LRRC36: variants seen among roughly 807,000 people sequenced by gnomAD.
LRRC36 encodes leucine rich repeat containing 36.
A neutral mutation model predicts 81.1 loss-of-function variants in LRRC36; 62 were observed. The ratio of observed to expected loss-of-function variants is 0.76; its 90% CI spans 0.62 to 0.94. The LOEUF is 0.94. LRRC36 is among the 40% of genes least tolerant of loss of function. The pLI is 0.00. For synonymous variants in LRRC36, 334 were observed against 348.6 expected (o/e 0.96, Z 0.47); for missense variants, 761 against 881.7 (o/e 0.86, Z 1.73).
At chr16:67,380,774 T>C (rs902019744) in intron 12 of LRRC36, among the ~76,000 whole-genome samples, 3 of 152,198 alleles carry the variant, frequency 2.0e-5, no homozygotes, top group Non-Finnish European at 2.9e-5. Context: ...ATAAATAAGC[T>C]TTTGCAGCCT....
rs1417385254 is a variant in LRRC36, at chr16:67,363,654, TGC to T, written c.643_644del (p.Ala215AsnfsTer8). 6.2e-7 allele frequency: 1 copy of T among 1,613,502 alleles called. No individual in the cohort carries two copies. The highest frequency in any genetic ancestry group is 1.1e-5 in the South Asian group (1 of 91,072). ...AAATAAAGGATTCCCTAAGTACTTCTGCAACTCAGGGCAATGGTACACGTGAT... is the reference window on the plus strand; with the variant it reads ...AAATAAAGGATTCCCTAAGTACTTCTAACTCAGGGCAATGGTACACGTGAT... ...REIKDSLSTSATQGNGTRDQK... is the reference protein window; with the variant it reads ...REIKDSLSTSXTQGNGTRDQK... On this transcript the variant is annotated frameshift_variant, in exon 6 of 14. Transcript: ENST00000329956. LOFTEE classifies it high-confidence loss of function.
intron 1 of LRRC36, among the ~76,000 whole-genome samples, chr16:67,339,784 A>G (rs865791096): frequency 2.6e-4 from 39 of 150,786 alleles, no homozygotes; most frequent in African/African-American, 8.8e-4. Flanking sequence ...TGTAGATTCT[A>G]CTCCCACTAA....
chr16:67,378,169 T>C (rs1009163355), intron 11 of LRRC36, among the ~76,000 whole-genome samples: 4 of 151,400 alleles, frequency 2.6e-5, no homozygotes, highest in African/African-American at 9.7e-5. Flanking sequence ...TGACTTCCAA[T>C]CAGTTTATCA....
chr16:67,363,822 A>G, intron 6 of LRRC36, 108 bp downstream of exon 6: 2 of 1,225,874 alleles, frequency 1.6e-6, no homozygotes, highest in Middle Eastern at 2.2e-4. Flanking sequence ...TGTTTGATGA[A>G]GGCATTTTAG....
At position 67,376,788 on chromosome 16, in the gene LRRC36, C is replaced by G; in HGVS notation, c.1722C>G (p.Cys574Trp). The change falls in exon 11 of 14, where the codon TGC (cysteine) becomes TGG (tryptophan). Residue 574 changes from cysteine (C) to tryptophan (W), a missense_variant. By Grantham distance (215) the Cys-to-Trp change is radical. This residue lies in a region of LRRC36 where 359 missense variants were observed against 388.4 expected (regional missense o/e 0.92). Transcript: ENST00000329956. ...VVPAPSQPRC[C>W]SHPEDTMKAF... is the part of the protein sequence containing the mutation. ...CGGCTCCTTCTCAGCCGAGGTGTTG[C>G]TCACATCCTGAAGACACGATGAAAG... 1 of 1,614,002 alleles carries G rather than the reference C, an allele frequency of 6.2e-7. No homozygotes were observed. Among genetic ancestry groups the G allele is most frequent in the Non-Finnish European group, 8.5e-7 (1 of 1,179,894 alleles).
At chr16:67,364,583 T>A (rs2039301314) in intron 6 of LRRC36, among the ~76,000 whole-genome samples, 2 of 152,206 alleles carry the variant, frequency 1.3e-5, no homozygotes, top group South Asian at 4.1e-4. Context: ...GAGATTATAC[T>A]TGGGTGACTT....
In LRRC36 at chr16:67,351,638, C is replaced by T. The variant is rs535969776; in HGVS notation, c.577+1348C>T. ...ATGAGAATTGCTTGAACCCGGGAAGCGGAGGTTGCAGTGAGCCCAGATTGC... is the reference window on the plus strand; with the variant it reads ...ATGAGAATTGCTTGAACCCGGGAAGTGGAGGTTGCAGTGAGCCCAGATTGC... On this transcript the variant is annotated intron_variant, in intron 5 of 13. Coordinates refer to ENST00000329956, the MANE Select transcript of LRRC36 (RefSeq NM_018296.6). Among the ~76,000 whole-genome samples, 157 of 152,210 alleles carry T rather than the reference C, an allele frequency of 1.0e-3. 3 individuals are homozygous for T. The highest frequency in any genetic ancestry group is 3.2e-3 in the African/African-American group (134 of 41,544).
rs1162195300 is a variant in LRRC36 at position 67,376,746 on chromosome 16, T to C, written c.1680T>C (p.Leu560=). 2 of 1,612,184 alleles carry C rather than the reference T, an allele frequency of 1.2e-6. No individual in the cohort carries two copies. The highest frequency in any genetic ancestry group is 1.7e-6 in the Non-Finnish European group (2 of 1,178,524). Residue 560 remains leucine (L), a synonymous_variant, in exon 11 of 14, where the codon CTT becomes CTC. Coordinates refer to ENST00000329956, the MANE Select transcript of LRRC36 (RefSeq NM_018296.6). ...KKFLGPARDL[L]LSLVVPAPSQ... is the part of the protein sequence containing the mutation. ...TGGCAGGTCCTGCCCGAGATTTGCT[T>C]CTGTCTTTGGTAGTCCCGGCTCCTT...
chr16:67,381,449 G>C (rs529865142), intron 12 of LRRC36, among the ~76,000 whole-genome samples: 1 of 152,188 alleles, frequency 6.6e-6, no homozygotes, highest in Non-Finnish European at 1.5e-5. Context: ...ACTACGTAGG[G>C]AGTGAAGGAT....
chr16:67,333,835 C>A (rs57747411), intron 1 of LRRC36, among the ~76,000 whole-genome samples: 13,436 of 152,070 alleles, frequency 0.088, 980 homozygotes, highest in African/African-American at 0.21. Context: ...CGCTTACCTT[C>A]CTTGCACCTC....
intron 5 of LRRC36, among the ~76,000 whole-genome samples, chr16:67,360,206 G>A (rs2067143974): frequency 6.6e-6 from 1 of 152,044 alleles, no homozygotes; most frequent in Non-Finnish European, 1.5e-5. Flanking sequence ...GGAAATTTAG[G>A]TCTGTACATC....
intron 8 of LRRC36, among the ~76,000 whole-genome samples, chr16:67,369,565 T>C (rs1196801750): frequency 2.0e-5 from 3 of 152,220 alleles, no homozygotes; most frequent in Admixed American, 6.5e-5. Context: ...AGACAACCCT[T>C]GTATTAGTCT....
rs143765165 is a variant in LRRC36, at chr16:67,373,419, G to A, written c.1495-1828G>A. ...TTTTTTACATTTTTTTTTTAAAGCCGGGCATGGACCGGGCACAGTGGCTCA... is the reference window on the plus strand; with the variant it reads ...TTTTTTACATTTTTTTTTTAAAGCCAGGCATGGACCGGGCACAGTGGCTCA... On this transcript the variant is annotated intron_variant, in intron 9 of 13. Transcript: ENST00000329956. Among the ~76,000 whole-genome samples the A allele has an allele frequency of 2.7e-4, 40 of 150,580 alleles. No homozygotes were observed. The East Asian group carries it at 7.7e-3, about 29-fold the overall frequency.
chr16:67,379,469 C>T (rs1335204329), intron 12 of LRRC36, among the ~76,000 whole-genome samples: 1 of 152,144 alleles, frequency 6.6e-6, no homozygotes, highest in Non-Finnish European at 1.5e-5. Flanking sequence ...GTAATCCCAG[C>T]ACTTTGGGAG....
Position 67,346,252 on chromosome 16 carries a change from G to A in LRRC36, c.199-4G>A, listed in dbSNP as rs79293458. On this transcript the variant is annotated splice_polypyrimidine_tract_variant and splice_region_variant and intron_variant, in intron 2 of 13. Transcript: ENST00000329956. ...CATTTCATAATGTGGTGTTTTCCTT[G>A]TAGGGAATCCAGTATTTATGTTCAC... The A allele has an allele frequency of 6.2e-3, 9,496 of 1,537,936 alleles. 29 individuals are homozygous for A. The highest frequency in any genetic ancestry group is 1.0e-2 in the Middle Eastern group (58 of 5,804).
chr16:67,363,074 C>T (rs1483022488), intron 5 of LRRC36, among the ~76,000 whole-genome samples: 2 of 152,142 alleles, frequency 1.3e-5, no homozygotes, highest in Admixed American at 1.3e-4. Context: ...TGAGCCACCA[C>T]GCCCAGCTTA....
At chr16:67,338,358 A>C (rs138004948) in intron 1 of LRRC36, among the ~76,000 whole-genome samples, 74 of 152,282 alleles carry the variant, frequency 4.9e-4, no homozygotes, top group African/African-American at 1.7e-3. Flanking sequence ...CTAGATTCTC[A>C]TACCTGCTTC....
intron 4 of LRRC36, among the ~76,000 whole-genome samples, chr16:67,349,203 A>G (rs1279330579): frequency 6.6e-6 from 1 of 152,214 alleles, no homozygotes; most frequent in Non-Finnish European, 1.5e-5. Context: ...TCCATCATTT[A>G]TCTGTTTATT....
chr16:67,373,740 C>T (rs558416337), intron 9 of LRRC36, among the ~76,000 whole-genome samples: 118 of 141,810 alleles, frequency 8.3e-4, no homozygotes, highest in African/African-American at 2.3e-3. Context: ...AAGCCAGGCA[C>T]GGTGGCTCAT....
Sources: gnomAD v4.1 joint callset for allele counts (sites outside exome capture counted in the v4.1 genomes callset) on GRCh38, gnomAD v4.1.1 for gene constraint, gnomAD v4.1.1 regional missense constraint, MANE v1.5 for transcripts, NCBI Gene and HGNC (gene_info 2026-07-23, HGNC 2026-07-21) for gene names.